The following RARB variants were observed in gnomAD, a reference collection of about 807,000 sequenced individuals.
The protein encoded by RARB is HBV-activated protein.
Under a neutral mutation model 51.9 loss-of-function variants are expected in RARB, and 17 were observed. The ratio of observed to expected loss-of-function variants is 0.33; its 90% CI spans 0.22 to 0.49. RARB has a LOEUF of 0.49. Ranked by LOEUF, RARB falls within the 20% of genes least tolerant of loss-of-function variation. The pLI is 0.99. For missense variants in RARB, 369 were observed against 550.8 expected (o/e 0.67, Z 3.30); for synonymous variants, 215 against 195.4 (o/e 1.10, Z -0.84).
At chr3:25,018,258 GA>G (rs1697557480) in intron 2 of RARB, among the ~76,000 whole-genome samples, 4 of 143,210 alleles carry the variant, frequency 2.8e-5, no homozygotes, top group Non-Finnish European at 4.7e-5. Context: ...AGTTAGATCA[GA>G]TTTCCTGAAA....
chr3:25,040,044 G>A (rs551190917), intron 2 of RARB, among the ~76,000 whole-genome samples: 1 of 152,184 alleles, frequency 6.6e-6, no homozygotes, highest in Non-Finnish European at 1.5e-5. Flanking sequence ...TATCCTGAAG[G>A]TGAGCTCTGC....
At chr3:25,157,123 G>T (rs748614804) in intron 4 of RARB, among the ~76,000 whole-genome samples, 8 of 152,146 alleles carry the variant, frequency 5.3e-5, no homozygotes, top group Admixed American at 1.3e-4. Flanking sequence ...ATAAATAAAT[G>T]AATGGATAAG....
At chr3:25,539,609 CT>C (rs1317936374) in intron 3 of RARB, among the ~76,000 whole-genome samples, 78 of 24,928 alleles carry the variant, frequency 3.1e-3, no homozygotes, top group African/African-American at 0.012. Flanking sequence ...TTTTGTATTT[CT>C]TTTTTCCCCC....
chr3:25,062,377 G>A (rs1698567517), intron 3 of RARB, among the ~76,000 whole-genome samples: 1 of 151,866 alleles, frequency 6.6e-6, no homozygotes, highest in South Asian at 2.1e-4. Context: ...TTGTAGATGG[G>A]AACGTAGCAT....
intron 1 of RARB, among the ~76,000 whole-genome samples, chr3:25,453,009 G>A (rs950184876): frequency 2.0e-5 from 3 of 152,140 alleles, no homozygotes; most frequent in African/African-American, 7.2e-5. Flanking sequence ...AGATCTTAAT[G>A]CATTAAGTAC....
In RARB at chr3:25,139,984, C is replaced by T. The variant is rs182871654; in HGVS notation, c.-280+7776C>T. ...GCCAGGTTTACTTAATATTTTAAGC[C>T]TATTTTTGAAACCTGCTCAGAAAAA... On this transcript the variant is annotated intron_variant, in intron 4 of 11. Coordinates refer to the RARB transcript ENST00000383772. 2.2e-4 allele frequency among the ~76,000 whole-genome samples: 33 copies of T among 152,168 alleles called. 1 individual carries two copies. In the East Asian group the frequency reaches 6.0e-3, roughly 28 times the overall value.
intron 5 of RARB, among the ~76,000 whole-genome samples, chr3:25,311,885 G>T (rs865812917): frequency 6.6e-6 from 1 of 152,126 alleles, no homozygotes. Context: ...CTGCCTCCTG[G>T]TTGACCTCCT....
chr3:25,099,098 G>T (rs781340861), intron 3 of RARB, among the ~76,000 whole-genome samples: 6 of 152,130 alleles, frequency 3.9e-5, no homozygotes, highest in Non-Finnish European at 8.8e-5. Flanking sequence ...GTCTGTGAGA[G>T]GTAAATGATT....
At chr3:25,072,967 G>C (rs1698800161) in intron 3 of RARB, among the ~76,000 whole-genome samples, 1 of 151,966 alleles carries the variant, frequency 6.6e-6, no homozygotes, top group African/African-American at 2.4e-5. Context: ...GAAAGTGCTG[G>C]GATTACAGGT....
intron 1 of RARB, among the ~76,000 whole-genome samples, chr3:24,841,202 G>T (rs763477540): frequency 6.6e-6 from 1 of 152,108 alleles, no homozygotes; most frequent in Admixed American, 6.5e-5. Flanking sequence ...TTCCATGGAC[G>T]TTTTCCCATT....
At chr3:25,311,428 A>G (rs1704286852) in intron 5 of RARB, among the ~76,000 whole-genome samples, 2 of 152,226 alleles carry the variant, frequency 1.3e-5, no homozygotes, top group African/African-American at 4.8e-5. Context: ...TATCCTCCTC[A>G]AAGAGGCCTC....
At position 25,159,086 on chromosome 3, in the gene RARB, A is replaced by G. The variant is rs549932928; in HGVS notation, c.-279-15033A>G. Among the ~76,000 whole-genome samples the G allele has an allele frequency of 5.3e-5, 8 of 151,872 alleles. No individual in the cohort carries two copies. The East Asian group carries it at 1.2e-3, about 22-fold the overall frequency. ...AAAAAAGAAAATGATATTTGATGAG[A>G]ATATAGTAATGTCTCTGCCACATTT... On this transcript the variant is annotated intron_variant, in intron 4 of 11. Transcript: ENST00000383772.
intron 5 of RARB, among the ~76,000 whole-genome samples, chr3:25,311,303 C>A (rs555984268): frequency 1.3e-5 from 2 of 152,250 alleles, no homozygotes; most frequent in South Asian, 4.2e-4. Flanking sequence ...GAGTGAAGAC[C>A]AGATTCTGAA....
intron 5 of RARB, among the ~76,000 whole-genome samples, chr3:25,223,290 G>A (rs1196596255): frequency 1.3e-5 from 2 of 152,006 alleles, no homozygotes; most frequent in African/African-American, 2.4e-5. Context: ...TGGCATCTGT[G>A]TTGTTGTATG....
chr3:25,445,583 C>T (rs1300671992), intron 1 of RARB, among the ~76,000 whole-genome samples: 1 of 152,052 alleles, frequency 6.6e-6, no homozygotes, highest in African/African-American at 2.4e-5. Flanking sequence ...AGGAGAATTG[C>T]TTGAGCCCAG....
intron 1 of RARB, among the ~76,000 whole-genome samples, chr3:25,450,402 A>C (rs1022786180): frequency 1.3e-5 from 2 of 152,146 alleles, no homozygotes; most frequent in Admixed American, 6.5e-5. Flanking sequence ...TGTCATCTCA[A>C]TTTTTCTGAG....
chr3:25,188,334 T>C (rs1701023235), intron 5 of RARB, among the ~76,000 whole-genome samples: 1 of 152,150 alleles, frequency 6.6e-6, no homozygotes, highest in Non-Finnish European at 1.5e-5. Flanking sequence ...TAAATGTGTT[T>C]AATAATTATT....
intron 2 of RARB, among the ~76,000 whole-genome samples, chr3:24,950,726 A>AAAAAAAAAAGT (rs71295100): frequency 6.7e-6 from 1 of 149,364 alleles, no homozygotes. Context: ...AAAAAAAAAA[A>AAAAAAAAAAGT]AGGTGATTTG....
chr3:25,498,237 C>G (rs970878282), intron 2 of RARB, among the ~76,000 whole-genome samples: 1 of 151,990 alleles, frequency 6.6e-6, no homozygotes. Flanking sequence ...GCTAAGTAAA[C>G]TTTAGGTGTA....
Sources: gnomAD v4.1 joint callset for allele counts (sites outside exome capture counted in the v4.1 genomes callset) on GRCh38, gnomAD v4.1.1 for gene constraint, MANE v1.5 for transcripts, NCBI Gene and HGNC (gene_info 2026-07-23, HGNC 2026-07-21) for gene names.